ZNF33B: variants seen among roughly 807,000 people sequenced by gnomAD.
ZNF33B encodes zinc finger protein 11b (KOX 2).
A neutral mutation model predicts 45.8 loss-of-function variants in ZNF33B; 29 were observed. The ratio of observed to expected loss-of-function variants is 0.63; its 90% CI spans 0.47 to 0.86. ZNF33B has a LOEUF of 0.86. Ranked by LOEUF, ZNF33B falls within the 40% of genes least tolerant of loss-of-function variation. The pLI is 0.00. For missense variants in ZNF33B, 831 were observed against 909.9 expected (o/e 0.91, Z 1.12); for synonymous variants, 305 against 307.8 (o/e 0.99, Z 0.10).
At chr10:42,605,462 A>G (rs1329460799) in intron 4 of ZNF33B, among the ~76,000 whole-genome samples, 2 of 152,174 alleles carry the variant, frequency 1.3e-5, no homozygotes, top group Non-Finnish European at 2.9e-5. Flanking sequence ...ATTTTTGTTA[A>G]TAACTTGTCA....
intron 2 of ZNF33B, 69 bp downstream of exon 2, chr10:42,636,851 C>A: frequency 2.5e-6 from 4 of 1,606,630 alleles, no homozygotes; most frequent in Admixed American, 1.7e-5. Flanking sequence ...AACAAAAAAA[C>A]CATACTGACT....
chr10:42,609,318 C>T (rs774139889), intron 4 of ZNF33B, among the ~76,000 whole-genome samples: 12 of 152,042 alleles, frequency 7.9e-5, no homozygotes, highest in Non-Finnish European at 1.8e-4. Flanking sequence ...ACTTGGGAGG[C>T]TGAGGTGGGA....
At chr10:42,585,698 G>C (rs940379968), downstream of ZNF33B, among the ~76,000 whole-genome samples, 1 of 152,146 alleles carries the variant, frequency 6.6e-6, no homozygotes, top group African/African-American at 2.4e-5. Flanking sequence ...AACAAAGCAG[G>C]ATATTCATCT....
chr10:42,593,023 C>T lies in ZNF33B; in HGVS notation c.1927G>A (p.Gly643Arg). ...GCTGACTTATGGCAGAAAGCTTTTC[C>T]ACACTCATTACATTCATAGGGTTTC... is the stretch of plus-strand genomic sequence containing the variant. ...GEKPYECNECGKAFCHKSALI... is the reference protein window; with the variant it reads ...GEKPYECNECRKAFCHKSALI... Residue 643 changes from glycine (G) to arginine (R), a missense_variant, in exon 5 of 5, where the codon GGA becomes AGA. Coordinates refer to ENST00000359467, the MANE Select transcript of ZNF33B (RefSeq NM_006955.3). The T allele has an allele frequency of 6.2e-7, 1 of 1,614,032 alleles. No homozygotes were observed. Among genetic ancestry groups the T allele is most frequent in the Non-Finnish European group, 8.5e-7 (1 of 1,179,974 alleles).
At chr10:42,626,555 G>A (rs546728488) in intron 4 of ZNF33B, among the ~76,000 whole-genome samples, 5 of 152,134 alleles carry the variant, frequency 3.3e-5, no homozygotes, top group East Asian at 1.9e-4. Flanking sequence ...GAGCATGGTC[G>A]CATGCGCCTG....
chr10:42,625,516 G>T (rs1279155607), intron 4 of ZNF33B, among the ~76,000 whole-genome samples: 1 of 151,948 alleles, frequency 6.6e-6, no homozygotes, highest in Non-Finnish European at 1.5e-5. Context: ...TTTCACTCTT[G>T]TTGCCCAGGC....
At chr10:42,638,297 T>G (rs1413896282) in intron 1 of ZNF33B, among the ~76,000 whole-genome samples, 177 bp downstream of exon 1, 1 of 152,272 alleles carries the variant, frequency 6.6e-6, no homozygotes. Context: ...CTACAGAGGC[T>G]GCGCCTTAGA....
intron 1 of ZNF33B, among the ~76,000 whole-genome samples, chr10:42,575,711 A>AATAT (rs141485546): frequency 0.011 from 1,598 of 143,540 alleles, 26 homozygotes; most frequent in African/African-American, 0.035. Flanking sequence ...ACTGCATAAT[A>AATAT]ATATATATAT....
chr10:42,574,197 A>G (rs1836713488), exon 2 of ZNF33B: 1 of 151,230 alleles, frequency 6.6e-6, no homozygotes, highest in Non-Finnish European at 1.5e-5. Context: ...GACAGAGTCA[A>G]AAGACGGGGC....
At chr10:42,598,978 C>T (rs1295675677) in intron 4 of ZNF33B, among the ~76,000 whole-genome samples, 2 of 152,094 alleles carry the variant, frequency 1.3e-5, no homozygotes, top group African/African-American at 2.4e-5. Context: ...TAATTGTTTG[C>T]TGGAATTCAC....
chr10:42,629,533 T>C (rs1838959624), intron 4 of ZNF33B, among the ~76,000 whole-genome samples: 1 of 152,234 alleles, frequency 6.6e-6, no homozygotes, highest in African/African-American at 2.4e-5. Flanking sequence ...ACACGTTGTG[T>C]GCCTGTATCA....
chr10:42,583,168 G>A (rs763406335), intron 1 of ZNF33B: 3 of 776,830 alleles, frequency 3.9e-6, no homozygotes, highest in East Asian at 5.0e-5. Flanking sequence ...GAAAATGTCT[G>A]TCTTAGGGTT....
At chr10:42,624,290 A>G (rs1206310140) in intron 4 of ZNF33B, among the ~76,000 whole-genome samples, 1 of 152,242 alleles carries the variant, frequency 6.6e-6, no homozygotes, top group Non-Finnish European at 1.5e-5. Flanking sequence ...TTGGGGAGAC[A>G]TGAACATACA....
chr10:42,629,329 G>A (rs1182795301), intron 4 of ZNF33B, among the ~76,000 whole-genome samples: 1 of 151,984 alleles, frequency 6.6e-6, no homozygotes, highest in African/African-American at 2.4e-5. Flanking sequence ...AGGTGAGGAT[G>A]GTTAAAGGGT....
chr10:42,622,356 A>G (rs889443998), intron 4 of ZNF33B, among the ~76,000 whole-genome samples: 2 of 152,226 alleles, frequency 1.3e-5, no homozygotes, highest in African/African-American at 2.4e-5. Flanking sequence ...ACGTGGAATT[A>G]TAAGGGCCCT....
chr10:42,578,212 C>T (rs571123834), intron 1 of ZNF33B, among the ~76,000 whole-genome samples: 1 of 152,346 alleles, frequency 6.6e-6, no homozygotes, highest in African/African-American at 2.4e-5. Context: ...CACCCAGCCA[C>T]AGGGCTGCAG....
chr10:42,638,264 A>G (rs1440263221), intron 1 of ZNF33B, among the ~76,000 whole-genome samples: 2 of 152,270 alleles, frequency 1.3e-5, no homozygotes, highest in Non-Finnish European at 2.9e-5. Flanking sequence ...AAACAGGGCA[A>G]CGCACAGGGC....
intron 4 of ZNF33B, among the ~76,000 whole-genome samples, chr10:42,605,833 C>T (rs1407276013): frequency 2.0e-5 from 3 of 152,132 alleles, no homozygotes; most frequent in East Asian, 3.9e-4. Flanking sequence ...TGGTGGCTCA[C>T]GCCAGTAATC....
chr10:42,629,647 TTTAA>T (rs1390270219), intron 4 of ZNF33B, among the ~76,000 whole-genome samples: 1 of 152,224 alleles, frequency 6.6e-6, no homozygotes, highest in Non-Finnish European at 1.5e-5. Context: ...CAATTTATAT[TTTAA>T]TTAGTGTACT....
Sources: allele counts gnomAD v4.1 joint callset (sites outside exome capture counted in the v4.1 genomes callset), GRCh38; gene constraint gnomAD v4.1.1; transcripts MANE v1.5; gene names NCBI Gene and HGNC (gene_info 2026-07-23, HGNC 2026-07-21).